CPNE8: variants seen among roughly 807,000 people sequenced by gnomAD.
CPNE8 encodes copine 8, also known as copine-8.
A neutral mutation model predicts 81.5 loss-of-function variants in CPNE8; 45 were observed. That is an observed-to-expected ratio of 0.55 (90% CI 0.44 to 0.71). The LOEUF is 0.71. CPNE8 is among the 30% of genes least tolerant of loss of function. CPNE8 has a pLI of 0.00. For synonymous variants in CPNE8, 252 were observed against 226.3 expected, an observed-to-expected ratio of 1.11 and a Z score of -1.02; for missense variants, 594 against 672.1, an observed-to-expected ratio of 0.88 and a Z score of 1.28.
intron 6 of CPNE8, among the ~76,000 whole-genome samples, chr12:38,818,233 G>C (rs1943058978): frequency 2.6e-5 from 4 of 151,798 alleles, no homozygotes; most frequent in African/African-American, 7.3e-5. Flanking sequence ...CCATCATCTA[G>C]GTTTTAAGCC....
At chr12:38,705,603 TG>T (rs1940084987) in intron 13 of CPNE8, among the ~76,000 whole-genome samples, 1 of 152,186 alleles carries the variant, frequency 6.6e-6, no homozygotes. Flanking sequence ...GTAAGACTTC[TG>T]GGAGAACATT....
Position 38,724,063 on chromosome 12 carries a change from A to G in CPNE8, c.853-230T>C, listed in dbSNP as rs941635725. ...TATGACCAGTTTACTTCCTTTGAAG[A>G]CCAGCATGAAAATTATCTACAAGGA... On this transcript the variant is annotated intron_variant, in intron 12 of 19. Transcript: ENST00000331366. Among the ~76,000 whole-genome samples the G allele has an allele frequency of 5.9e-5, 9 of 152,184 alleles. 1 individual carries two copies. Among genetic ancestry groups the G allele is most frequent in the African/African-American group, 2.2e-4 (9 of 41,454 alleles).
chr12:38,690,919 C>T (rs75379808), intron 15 of CPNE8, among the ~76,000 whole-genome samples: 1,620 of 152,164 alleles, frequency 0.011, 32 homozygotes, highest in African/African-American at 0.036. Flanking sequence ...AACAGATACT[C>T]ATTTTTATGA....
intron 3 of CPNE8, among the ~76,000 whole-genome samples, chr12:38,850,831 T>C (rs1943632339): frequency 6.6e-6 from 1 of 152,242 alleles, no homozygotes; most frequent in African/African-American, 2.4e-5. Flanking sequence ...TTGTTCTCTA[T>C]ACAATCACTT....
intron 3 of CPNE8, among the ~76,000 whole-genome samples, chr12:38,850,019 G>A (rs1428698318): frequency 6.6e-6 from 1 of 152,134 alleles, no homozygotes; most frequent in Non-Finnish European, 1.5e-5. Flanking sequence ...AGGCCCTGGA[G>A]AAGATACAAC....
chr12:38,661,954 A>T (rs925586874), intron 19 of CPNE8, among the ~76,000 whole-genome samples: 1 of 152,182 alleles, frequency 6.6e-6, no homozygotes, highest in Non-Finnish European at 1.5e-5. Flanking sequence ...ATAAAATACA[A>T]CATCCCTTCA....
Position 38,848,551 on chromosome 12 carries a change from G to C in CPNE8, c.290+8C>G. ...ATTTTTCTAAACGCAAGTTTTAGTA[G>C]AACTTACAAGTCAAAACGAAGATTC... On this transcript the variant is annotated splice_region_variant and intron_variant, in intron 4 of 19. Transcript: ENST00000331366. 6.4e-7 allele frequency: 1 copy of C among 1,560,612 alleles called. No individual in the cohort carries two copies. Among genetic ancestry groups the C allele is most frequent in the East Asian group, 2.4e-5 (1 of 42,394 alleles).
chr12:38,791,336 AAC>A (rs1485214867), intron 6 of CPNE8, among the ~76,000 whole-genome samples: 1 of 151,708 alleles, frequency 6.6e-6, no homozygotes, highest in East Asian at 1.9e-4. Flanking sequence ...TAACTTATGA[AAC>A]ACAGACTAAA....
chr12:38,820,027 T>C (rs1565634341), intron 6 of CPNE8, among the ~76,000 whole-genome samples: 2 of 152,188 alleles, frequency 1.3e-5, no homozygotes, highest in Non-Finnish European at 1.5e-5. Flanking sequence ...TAAATTTCAC[T>C]GTAGAGGAAA....
chr12:38,892,426 G>A (rs1944325931), intron 1 of CPNE8, among the ~76,000 whole-genome samples: 1 of 152,208 alleles, frequency 6.6e-6, no homozygotes, highest in Non-Finnish European at 1.5e-5. Context: ...GTGTGAAGAA[G>A]AGGAAAAATG....
chr12:38,872,930 G>C, intron 3 of CPNE8, 74 bp downstream of exon 3: 1 of 837,976 alleles, frequency 1.2e-6, no homozygotes, highest in Non-Finnish European at 2.0e-6. Context: ...AAAATAGAAA[G>C]TATCATCTTG....
chr12:38,701,276 T>G (rs1939936647), intron 14 of CPNE8, among the ~76,000 whole-genome samples: 1 of 152,202 alleles, frequency 6.6e-6, no homozygotes, highest in African/African-American at 2.4e-5. Flanking sequence ...GGTAGTCTTT[T>G]AAAAACTACT....
At chr12:38,736,617 C>A (rs1224874845) in intron 10 of CPNE8, among the ~76,000 whole-genome samples, 1 of 151,806 alleles carries the variant, frequency 6.6e-6, no homozygotes, top group African/African-American at 2.4e-5. Context: ...TAAATTTTAA[C>A]TCCACATGAA....
rs539916387 is a variant in CPNE8, at chr12:38,658,152, A to G, written c.1507-4082T>C. 3.3e-5 allele frequency among the ~76,000 whole-genome samples: 5 copies of G among 152,288 alleles called. No individual in the cohort carries two copies. In the East Asian group the frequency reaches 9.7e-4, roughly 29 times the overall value. On this transcript the variant is annotated intron_variant, in intron 19 of 19. Coordinates refer to ENST00000331366, the MANE Select transcript of CPNE8 (RefSeq NM_153634.3). ...ATCACAAGGAAGCTAAAAACCTTGA[A>G]AAAAGGTTAGACGAATGACTAACTA...
chr12:38,743,134 A>C (rs1337810618), intron 10 of CPNE8, among the ~76,000 whole-genome samples: 1 of 152,098 alleles, frequency 6.6e-6, no homozygotes, highest in East Asian at 1.9e-4. Flanking sequence ...ATAAATATTA[A>C]TCATAGAATT....
chr12:38,882,696 C>T (rs1036006316), intron 1 of CPNE8, among the ~76,000 whole-genome samples: 2 of 152,148 alleles, frequency 1.3e-5, no homozygotes, highest in Admixed American at 6.5e-5. Context: ...AAACCCATTA[C>T]CTCCAGAAAT....
At chr12:38,707,173 G>A (rs932219704) in intron 13 of CPNE8, among the ~76,000 whole-genome samples, 3 of 151,952 alleles carry the variant, frequency 2.0e-5, no homozygotes, top group African/African-American at 7.3e-5. Flanking sequence ...AAATAACCAG[G>A]TTGGGTGGTG....
chr12:38,858,898 G>A (rs1943787220), intron 3 of CPNE8, among the ~76,000 whole-genome samples: 1 of 152,084 alleles, frequency 6.6e-6, no homozygotes, highest in Non-Finnish European at 1.5e-5. Context: ...AAAAAGCACT[G>A]GACAAAATTC....
chr12:38,702,648 A>G (rs768039632), intron 14 of CPNE8, among the ~76,000 whole-genome samples: 2 of 152,114 alleles, frequency 1.3e-5, no homozygotes, highest in African/African-American at 2.4e-5. Flanking sequence ...ATTTCAATAT[A>G]TAATAAATCT....
Sources: allele counts gnomAD v4.1 joint callset (sites outside exome capture counted in the v4.1 genomes callset), GRCh38; gene constraint gnomAD v4.1.1; transcripts MANE v1.5; gene names NCBI Gene and HGNC (gene_info 2026-07-23, HGNC 2026-07-21).